Variants in FXN observed in about 807,000 individuals in gnomAD.
FXN encodes frataxin, mitochondrial.
Under a neutral mutation model 22.4 loss-of-function variants are expected in FXN, and 14 were observed. That is an observed-to-expected ratio of 0.62 (90% CI 0.41 to 0.98). The LOEUF (loss-of-function observed/expected upper bound fraction) is 0.98. FXN is among the 50% of genes least tolerant of loss of function. The pLI is 0.00. For synonymous variants in FXN, 120 were observed against 114.1 expected, an observed-to-expected ratio of 1.05 and a Z score of -0.33; for missense variants, 267 against 268.4, an observed-to-expected ratio of 0.99 and a Z score of 0.04.
Position 69,035,781 on chromosome 9 carries a change from G to A in FXN, c.-2G>A, listed in dbSNP as rs1304078290. Reference sequence around the variant, plus strand: ...CGGAGCGGGCGGCAGACCCGGAGCAGCATGTGGACTCTCGGGCGCCGCGCA... The same window carrying A: ...CGGAGCGGGCGGCAGACCCGGAGCAACATGTGGACTCTCGGGCGCCGCGCA... On this transcript the variant is annotated 5_prime_UTR_variant, in exon 1 of 5. Transcript: ENST00000484259. 3.3e-6 allele frequency: 5 copies of A among 1,507,746 alleles called. No homozygotes were observed. Among genetic ancestry groups the A allele is most frequent in the Admixed American group, 2.0e-5 (1 of 48,802 alleles). The allele number at this position is 1,507,746 out of a possible 1,614,324, so 93.4% of individuals were successfully genotyped here. A position where few individuals can be genotyped will look rare whatever the true frequency, so the allele number is the denominator to read the frequency against.
At chr9:69,057,167 C>T (rs1052002366) in intron 3 of FXN, among the ~76,000 whole-genome samples, 10 of 152,198 alleles carry the variant, frequency 6.6e-5, no homozygotes, top group African/African-American at 2.4e-4. Context: ...CCTGTTTGAA[C>T]TCCTTTCCCA....
At chr9:69,061,012 A>C (rs1202844251) in intron 3 of FXN, among the ~76,000 whole-genome samples, 1 of 152,112 alleles carries the variant, frequency 6.6e-6, no homozygotes, top group Non-Finnish European at 1.5e-5. Flanking sequence ...GGTAGAGGTG[A>C]GTGGGTCTCA....
chr9:69,076,648 T>A lies in FXN; in HGVS notation c.*3886T>A. On this transcript the variant is annotated 3_prime_UTR_variant, in exon 5 of 5. Coordinates refer to ENST00000484259, the MANE Select transcript of FXN (RefSeq NM_000144.5). ...TTTGCCACCTCTAAAGGAAGACCCA[T>A]GTTCATAGTGATGGAGTTTGTGTGG... is the stretch of plus-strand genomic sequence containing the variant. The A allele has an allele frequency of 7.1e-6, 7 of 985,472 alleles. No homozygotes were observed. Among genetic ancestry groups the A allele is most frequent in the Non-Finnish European group, 8.4e-6 (7 of 829,936 alleles). The allele number at this position is 985,472 out of a possible 1,614,324, so 61.0% of individuals were successfully genotyped here.
intron 1 of FXN, among the ~76,000 whole-genome samples, chr9:69,037,562 C>T (rs1831587062): frequency 6.6e-6 from 1 of 152,214 alleles, no homozygotes; most frequent in African/African-American, 2.4e-5. Flanking sequence ...CTTAGATCTC[C>T]TCTAGGAAAG....
chr9:69,045,501 G>A (rs575214353), intron 1 of FXN, among the ~76,000 whole-genome samples: 2 of 152,294 alleles, frequency 1.3e-5, no homozygotes, highest in South Asian at 4.1e-4. Flanking sequence ...GCTGAGGCAC[G>A]AGAATCACTC....
chr9:69,053,744 G>T (rs773510858), intron 3 of FXN, among the ~76,000 whole-genome samples: 3 of 152,128 alleles, frequency 2.0e-5, no homozygotes, highest in Non-Finnish European at 4.4e-5. Context: ...AACTAGACCC[G>T]TAGTTCTTCA....
rs1044598826 is a variant in FXN, at chr9:69,073,490, GAA to G, written c.*734_*735del. The G allele has an allele frequency of 1.0e-6, 1 of 985,160 alleles. No homozygotes were observed. The highest frequency in any genetic ancestry group is 1.2e-6 in the Non-Finnish European group (1 of 829,952). 61.0% of individuals were successfully genotyped at this position (985,160 alleles called of 1,614,324 possible). A position where few individuals can be genotyped will look rare whatever the true frequency, so the allele number is the denominator to read the frequency against. ...AAATCTTCCAAAGACAAGAAAAGAG[GAA>G]AAAAAGCCGTTTTCATGAGCTGAGT... On this transcript the variant is annotated 3_prime_UTR_variant, in exon 5 of 5. Transcript: ENST00000484259.
chr9:69,062,321 G>A (rs962088809), intron 3 of FXN, among the ~76,000 whole-genome samples: 9 of 152,076 alleles, frequency 5.9e-5, no homozygotes, highest in African/African-American at 2.2e-4. Context: ...ATGTTGCCCA[G>A]TCTGGTCTTG....
intron 4 of FXN, among the ~76,000 whole-genome samples, chr9:69,067,042 C>CG (rs1832179594): frequency 6.6e-6 from 1 of 152,160 alleles, no homozygotes; most frequent in African/African-American, 2.4e-5. Flanking sequence ...GGATGGGAGT[C>CG]GGGGGAAGGG....
chr9:69,074,538 G>C lies in FXN; in HGVS notation c.*1776G>C. On this transcript the variant is annotated 3_prime_UTR_variant, in exon 5 of 5. Coordinates refer to ENST00000484259, the MANE Select transcript of FXN (RefSeq NM_000144.5). ...CCGTCTCAAAAAAAAAAAAAAGGAG[G>C]GTTTATTAATGAGAAGTTTGTATTA... 6 of 983,992 alleles carry C rather than the reference G, an allele frequency of 6.1e-6. No homozygotes were observed. Among genetic ancestry groups the C allele is most frequent in the Non-Finnish European group, 7.2e-6 (6 of 829,510 alleles). The allele number at this position is 983,992 out of a possible 1,614,324, so 61.0% of individuals were successfully genotyped here. A position where few individuals can be genotyped will look rare whatever the true frequency, so the allele number is the denominator to read the frequency against.
At position 69,074,368 on chromosome 9, in the gene FXN, TAAAG is replaced by T; in HGVS notation, c.*1609_*1612del. ...GCTCATGTTATATTATTTTCTTACTTAAAGAAGGATTTATTAGTGGCTGGGCATG... is the reference window on the plus strand; with the variant it reads ...GCTCATGTTATATTATTTTCTTACTTAAGGATTTATTAGTGGCTGGGCATG... On this transcript the variant is annotated 3_prime_UTR_variant, in exon 5 of 5. Coordinates refer to ENST00000484259, the MANE Select transcript of FXN (RefSeq NM_000144.5). 1 of 985,150 alleles carries T rather than the reference TAAAG, an allele frequency of 1.0e-6. No homozygotes were observed. Among genetic ancestry groups the T allele is most frequent in the Non-Finnish European group, 1.2e-6 (1 of 829,820 alleles). The allele number at this position is 985,150 out of a possible 1,614,324, so 61.0% of individuals were successfully genotyped here.
At position 69,064,836 on chromosome 9, in the gene FXN, A is replaced by G. The variant is rs1026922617; in HGVS notation, c.385-102A>G. On this transcript the variant is annotated intron_variant, in intron 3 of 4. Transcript: ENST00000484259. ...TTTATGGTGTATTTTGTGTACTTGT[A>G]GAAATGGAAAGTGTTGAGATAAAAC... 7 of 739,536 alleles carry G rather than the reference A, an allele frequency of 9.5e-6. No individual in the cohort carries two copies. The African/African-American group carries it at 1.2e-4, about 13-fold the overall frequency. The allele number at this position is 739,536 out of a possible 1,614,324, so 45.8% of individuals were successfully genotyped here.
chr9:69,074,821 T>A lies in FXN; in HGVS notation c.*2059T>A, dbSNP rs1405376205. 8.3e-6 allele frequency: 8 copies of A among 967,714 alleles called. No individual in the cohort carries two copies. Among genetic ancestry groups the A allele is most frequent in the Non-Finnish European group, 9.8e-6 (8 of 813,888 alleles). 59.9% of individuals were successfully genotyped at this position (967,714 alleles called of 1,614,324 possible). A position where few individuals can be genotyped will look rare whatever the true frequency, so the allele number is the denominator to read the frequency against. On this transcript the variant is annotated 3_prime_UTR_variant, in exon 5 of 5. Transcript: ENST00000484259. ...AATATTTTTTCTGAAATAAAATTAT[T>A]TTTTGAGTCTGATGGAAATGTTTAA...
At chr9:69,061,803 T>C (rs575964124) in intron 3 of FXN, among the ~76,000 whole-genome samples, 1 of 152,224 alleles carries the variant, frequency 6.6e-6, no homozygotes, top group African/African-American at 2.4e-5. Context: ...TGCGATAGTT[T>C]ACTGAGAATG....
At chr9:69,065,148 C>G in intron 4 of FXN, 113 bp downstream of exon 4, 1 of 805,750 alleles carries the variant, frequency 1.2e-6, no homozygotes. Context: ...CACCTGTAAT[C>G]CCAACACTTT....
chr9:69,052,300 G>A (rs1046733015), intron 2 of FXN, among the ~76,000 whole-genome samples: 7 of 151,410 alleles, frequency 4.6e-5, no homozygotes, highest in South Asian at 2.1e-4. Flanking sequence ...AACTACAGGC[G>A]TGCACCACAA....
rs565338557 is a variant in FXN, at chr9:69,058,182, C to T, written c.384+4922C>T. Among the ~76,000 whole-genome samples, 16 of 152,208 alleles carry T rather than the reference C, an allele frequency of 1.1e-4. No homozygotes were observed. In the South Asian group the frequency reaches 3.3e-3, roughly 32 times the overall value. Reference sequence around the variant, plus strand: ...TTAAGTGGCTTCTTAACTGGTGTGTCGTCTGATCAAGTGGTCCAGGTAACA... The same window carrying T: ...TTAAGTGGCTTCTTAACTGGTGTGTTGTCTGATCAAGTGGTCCAGGTAACA... On this transcript the variant is annotated intron_variant, in intron 3 of 4. Coordinates refer to ENST00000484259, the MANE Select transcript of FXN (RefSeq NM_000144.5).
intron 1 of FXN, among the ~76,000 whole-genome samples, chr9:69,041,980 C>T (rs1228947320): frequency 2.0e-5 from 3 of 152,212 alleles, no homozygotes; most frequent in Admixed American, 6.5e-5. Context: ...CGGTGGCTTA[C>T]GCCTGTAATC....
At chr9:69,058,030 G>A (rs552932594) in intron 3 of FXN, among the ~76,000 whole-genome samples, 6 of 152,260 alleles carry the variant, frequency 3.9e-5, no homozygotes, top group Admixed American at 2.0e-4. Flanking sequence ...ACATGCTTTC[G>A]TTGATGCCTC....
Sources: allele counts gnomAD v4.1 joint callset (sites outside exome capture counted in the v4.1 genomes callset), GRCh38; gene constraint gnomAD v4.1.1; transcripts MANE v1.5; gene names NCBI Gene and HGNC (gene_info 2026-07-23, HGNC 2026-07-21).